CSMD1: variants seen among roughly 807,000 people sequenced by gnomAD.
CSMD1 encodes the protein CUB and Sushi multiple domains 1.
A neutral mutation model predicts 417.5 loss-of-function variants in CSMD1; 213 were observed. The ratio of observed to expected loss-of-function variants is 0.51; its 90% confidence interval spans 0.46 to 0.57. The LOEUF (loss-of-function observed/expected upper bound fraction) is 0.57. Among genes scored for constraint, CSMD1 ranks in the 20% least tolerant of loss-of-function variants. The pLI, the probability that CSMD1 is intolerant of heterozygous loss-of-function variation, is 0.00. For missense variants in CSMD1, 6,923 were observed against 4,529.7 expected (o/e 1.53, Z -15.17); for synonymous variants, 2,862 against 1,736.8 (o/e 1.65, Z -16.11).
chr8:4,382,991 C>A (rs1033760251), intron 3 of CSMD1, among the ~76,000 whole-genome samples: 3 of 152,174 alleles, frequency 2.0e-5, no homozygotes, highest in Non-Finnish European at 4.4e-5. Flanking sequence ...GTCGCACCAT[C>A]GTCTGTATAT....
intron 1 of CSMD1, among the ~76,000 whole-genome samples, chr8:4,927,120 T>TATG (rs1363072488): frequency 6.7e-6 from 1 of 149,602 alleles, no homozygotes; most frequent in African/African-American, 2.5e-5. Context: ...TTATTATTAT[T>TATG]ATTAAGATAG....
At chr8:3,386,620 G>C (rs1811018765) in intron 18 of CSMD1, among the ~76,000 whole-genome samples, 1 of 152,186 alleles carries the variant, frequency 6.6e-6, no homozygotes, top group African/African-American at 2.4e-5. Flanking sequence ...CATCATGTTT[G>C]AAAGGAAATA....
chr8:3,302,197 C>T (rs1234195844), intron 25 of CSMD1, among the ~76,000 whole-genome samples: 1 of 152,128 alleles, frequency 6.6e-6, no homozygotes, highest in African/African-American at 2.4e-5. Context: ...GTGATGAGCT[C>T]TGAGGAGAGA....
At chr8:4,798,742 G>C (rs1457180) in intron 1 of CSMD1, among the ~76,000 whole-genome samples, 2 of 152,068 alleles carry the variant, frequency 1.3e-5, no homozygotes, top group Admixed American at 6.5e-5. Flanking sequence ...TTTATTAATA[G>C]GTATGTAACA....
chr8:4,356,673 G>C (rs1489525445), intron 3 of CSMD1, among the ~76,000 whole-genome samples: 1 of 152,166 alleles, frequency 6.6e-6, no homozygotes, highest in Non-Finnish European at 1.5e-5. Context: ...CTGTTAGTGA[G>C]GGCTTCTTTC....
At chr8:3,403,089 G>A (rs943099414) in intron 15 of CSMD1, among the ~76,000 whole-genome samples, 5 of 151,996 alleles carry the variant, frequency 3.3e-5, no homozygotes, top group African/African-American at 1.2e-4. Flanking sequence ...TTTATTACAT[G>A]TTTCTACTTT....
chr8:3,571,095 T>C (rs1261501382), intron 10 of CSMD1, among the ~76,000 whole-genome samples: 1 of 152,222 alleles, frequency 6.6e-6, no homozygotes, highest in Non-Finnish European at 1.5e-5. Context: ...AACTCTGTAA[T>C]GGCACTTACA....
At chr8:4,203,073 A>G (rs1432354264) in intron 3 of CSMD1, among the ~76,000 whole-genome samples, 1 of 152,210 alleles carries the variant, frequency 6.6e-6, no homozygotes, top group Non-Finnish European at 1.5e-5. Flanking sequence ...GATTTTGAGC[A>G]AGTGAGATGA....
chr8:4,666,449 T>C (rs1804942052), intron 1 of CSMD1, among the ~76,000 whole-genome samples: 1 of 152,020 alleles, frequency 6.6e-6, no homozygotes, highest in African/African-American at 2.4e-5. Flanking sequence ...AGACAAGCAA[T>C]GTGGGCAGCC....
At chr8:3,847,679 T>A (rs993155242) in intron 5 of CSMD1, among the ~76,000 whole-genome samples, 1 of 152,080 alleles carries the variant, frequency 6.6e-6, no homozygotes, top group South Asian at 2.1e-4. Flanking sequence ...GGTCATTTGC[T>A]ACTCAGCCAT....
intron 1 of CSMD1, among the ~76,000 whole-genome samples, chr8:4,728,879 T>C (rs1245250781): frequency 5.9e-5 from 9 of 151,906 alleles, no homozygotes; most frequent in Non-Finnish European, 1.3e-4. Context: ...AAGGGGAGAA[T>C]TATTGGAGGG....
chr8:4,864,132 T>A (rs1434604556), intron 1 of CSMD1, among the ~76,000 whole-genome samples: 1 of 152,010 alleles, frequency 6.6e-6, no homozygotes, highest in African/African-American at 2.4e-5. Context: ...TCTGGGTATT[T>A]TTTATTAAAT....
chr8:4,208,989 T>G (rs909883788), intron 3 of CSMD1, among the ~76,000 whole-genome samples: 8 of 152,234 alleles, frequency 5.3e-5, no homozygotes, highest in African/African-American at 1.7e-4. Context: ...CAGTGAAAGC[T>G]GCTTTCTGCT....
Position 3,775,387 on chromosome 8 carries a change from C to G in CSMD1, c.819-21345G>C, listed in dbSNP as rs188556128. Among the ~76,000 whole-genome samples the G allele has an allele frequency of 7.4e-3, 1,125 of 152,188 alleles. 13 individuals are homozygous for G. The highest frequency in any genetic ancestry group is 7.4e-3 in the Non-Finnish European group (503 of 68,018). ...CAGACACAGCATAGCAGGTAACAGG[C>G]CCAGGTACCTGACTCAAATTACACA... is the stretch of plus-strand genomic sequence containing the variant. On this transcript the variant is annotated intron_variant, in intron 5 of 69. Coordinates refer to ENST00000635120, the MANE Select transcript of CSMD1 (RefSeq NM_033225.6).
chr8:4,576,951 C>G (rs1009285584), intron 2 of CSMD1, among the ~76,000 whole-genome samples: 1 of 152,156 alleles, frequency 6.6e-6, no homozygotes, highest in Non-Finnish European at 1.5e-5. Flanking sequence ...ATCCTCCAAG[C>G]TCTCAGCTAA....
chr8:3,032,538 A>T (rs911276953), intron 50 of CSMD1, among the ~76,000 whole-genome samples: 3 of 152,066 alleles, frequency 2.0e-5, no homozygotes, highest in Admixed American at 1.3e-4. Flanking sequence ...TGATAACAGA[A>T]CTGTGACTCT....
chr8:3,309,956 T>G (rs1200741428), intron 23 of CSMD1, among the ~76,000 whole-genome samples: 2 of 140,940 alleles, frequency 1.4e-5, no homozygotes, highest in Non-Finnish European at 3.3e-5. Context: ...AGAGTCAGTC[T>G]TTACCAACCA....
intron 3 of CSMD1, among the ~76,000 whole-genome samples, chr8:4,314,344 C>T (rs1016798747): frequency 5.3e-5 from 8 of 152,318 alleles, no homozygotes; most frequent in African/African-American, 1.9e-4. Flanking sequence ...AGTGCCTCCA[C>T]CTGCCATAGA....
Position 3,929,702 on chromosome 8 carries a change from C to A in CSMD1, c.818+68201G>T, listed in dbSNP as rs538990859. Among the ~76,000 whole-genome samples the A allele has an allele frequency of 5.6e-3, 843 of 149,830 alleles. 37 individuals are homozygous for A. The highest frequency in any genetic ancestry group is 9.5e-3 in the Non-Finnish European group (639 of 67,356). On this transcript the variant is annotated intron_variant, in intron 5 of 69. Transcript: ENST00000635120. ...TTTGAGATGGAGTTTCACTCTGTCT[C>A]CCAGGCTGGAGTGCATTGGCACAAT...
Sources: allele counts gnomAD v4.1 joint callset (sites outside exome capture counted in the v4.1 genomes callset), GRCh38; gene constraint gnomAD v4.1.1; transcripts MANE v1.5; gene names NCBI Gene and HGNC (gene_info 2026-07-23, HGNC 2026-07-21).